Variants in STRN3 observed in about 807,000 individuals in gnomAD.
STRN3 encodes striatin 3.
Under a neutral mutation model 95.6 loss-of-function variants are expected in STRN3, and 29 were observed. The observed-to-expected ratio is 0.30, with a 90% CI of 0.23 to 0.41. The LOEUF is 0.41. Ranked by LOEUF, STRN3 falls within the 10% of genes least tolerant of loss-of-function variation. The probability of loss-of-function intolerance (pLI) is 1.00; values close to 1 mark genes in which losing one functional copy is unlikely to be tolerated. For synonymous variants in STRN3, 331 were observed against 357.6 expected (o/e 0.93, Z 0.84); for missense variants, 890 against 972.1 (o/e 0.92, Z 1.12).
At chr14:30,929,130 A>T (rs1176098692) in intron 8 of STRN3, 71 bp downstream of exon 8, 2 of 1,308,456 alleles carry the variant, frequency 1.5e-6, no homozygotes, top group Non-Finnish European at 2.1e-6. Context: ...TTACACAAAG[A>T]AACAGAATTG....
At chr14:31,005,355 A>AG (rs1344488646) in intron 1 of STRN3, among the ~76,000 whole-genome samples, 1 of 151,722 alleles carries the variant, frequency 6.6e-6, no homozygotes, top group East Asian at 1.9e-4. Flanking sequence ...AAGGGAGGGG[A>AG]GGGGAGGGAA....
chr14:31,008,188 C>G (rs1882807807), intron 1 of STRN3, among the ~76,000 whole-genome samples: 1 of 111,746 alleles, frequency 8.9e-6, no homozygotes, highest in Admixed American at 9.1e-5. Context: ...GAGACTCCGT[C>G]TCAAAAAAAA....
chr14:31,014,555 G>T (rs179724), intron 1 of STRN3: 298,478 of 378,210 alleles, frequency 0.79, 118,622 homozygotes, highest in Non-Finnish European at 0.83. Context: ...TTTTACGTCT[G>T]TTTATAAAGT....
At chr14:30,969,498 T>A (rs1038391089) in intron 1 of STRN3, among the ~76,000 whole-genome samples, 12 of 151,922 alleles carry the variant, frequency 7.9e-5, no homozygotes, top group African/African-American at 2.7e-4. Context: ...TGGATAAATA[T>A]GTCTACAAGG....
At chr14:30,964,125 A>C (rs535002909) in intron 1 of STRN3, among the ~76,000 whole-genome samples, 1 of 152,268 alleles carries the variant, frequency 6.6e-6, no homozygotes, top group South Asian at 2.1e-4. Flanking sequence ...GGTGGTGCGC[A>C]TCTGTAGTCT....
At chr14:30,910,195 T>C (rs1285115738) in intron 13 of STRN3, among the ~76,000 whole-genome samples, 1 of 152,242 alleles carries the variant, frequency 6.6e-6, no homozygotes, top group East Asian at 1.9e-4. Context: ...TGAATGTCAC[T>C]ATTTTAGAAA....
intron 5 of STRN3, among the ~76,000 whole-genome samples, chr14:30,940,829 T>C (rs1879057140): frequency 6.6e-6 from 1 of 152,168 alleles, no homozygotes. Context: ...GATCTTTGAA[T>C]TTTCCTATCT....
At chr14:31,015,169 C>T (rs924347499) in intron 1 of STRN3, among the ~76,000 whole-genome samples, 1 of 152,086 alleles carries the variant, frequency 6.6e-6, no homozygotes, top group African/African-American at 2.4e-5. Flanking sequence ...CATTAGTTTC[C>T]TTGAAGGGTA....
At chr14:30,917,556 A>T (rs1355583035) in intron 9 of STRN3, among the ~76,000 whole-genome samples, 5 of 117,342 alleles carry the variant, frequency 4.3e-5, no homozygotes, top group African/African-American at 1.6e-4. Context: ...CATAAAATTA[A>T]AAAAAAAAAA....
intron 5 of STRN3, among the ~76,000 whole-genome samples, chr14:30,941,108 A>T (rs1223421884): frequency 6.6e-6 from 1 of 152,116 alleles, no homozygotes; most frequent in Non-Finnish European, 1.5e-5. Context: ...CTTCACCAGA[A>T]CCCAACCATG....
intron 1 of STRN3, among the ~76,000 whole-genome samples, chr14:31,015,378 T>G (rs1010151906): frequency 3.3e-4 from 48 of 145,746 alleles, no homozygotes; most frequent in Non-Finnish European, 6.0e-4. Flanking sequence ...CACTTTCAAT[T>G]TTTTTTTTTT....
chr14:31,011,662 G>A (rs1882973623), intron 1 of STRN3, among the ~76,000 whole-genome samples: 1 of 151,524 alleles, frequency 6.6e-6, no homozygotes, highest in African/African-American at 2.4e-5. Context: ...AAATAAAATT[G>A]CAAAACATGT....
chr14:30,975,448 A>G (rs1293646809), intron 1 of STRN3, among the ~76,000 whole-genome samples: 1 of 151,782 alleles, frequency 6.6e-6, no homozygotes, highest in East Asian at 1.9e-4. Context: ...CAATGGTTAC[A>G]CTGTACACTG....
rs756909630 is a variant in STRN3 at position 30,947,204 on chromosome 14, C to G, written c.602G>C (p.Arg201Thr). Residue 201 changes from arginine (R) to threonine (T), a missense_variant, in exon 5 of 18, where the codon AGG becomes ACG. Coordinates refer to ENST00000357479, the MANE Select transcript of STRN3 (RefSeq NM_001083893.2). ...TILDVRSQRV[R>T]SLLGLSNSEP... ...TGAATTAGATAGTCCAAGTAATGAC[C>G]TTACCCGCTGAGACCGTACATCTAA... The G allele has an allele frequency of 6.2e-7, 1 of 1,612,876 alleles. No individual in the cohort carries two copies. The highest frequency in any genetic ancestry group is 1.1e-5 in the South Asian group (1 of 90,914).
At chr14:30,900,952 A>C (rs759698059) in intron 16 of STRN3, among the ~76,000 whole-genome samples, 5 of 152,210 alleles carry the variant, frequency 3.3e-5, no homozygotes, top group Admixed American at 6.5e-5. Context: ...ATAGCTTTTC[A>C]GATGCTCACC....
At chr14:30,997,366 CTCTG>C (rs151280104) in intron 1 of STRN3, among the ~76,000 whole-genome samples, 3 of 152,248 alleles carry the variant, frequency 2.0e-5, no homozygotes, top group Non-Finnish European at 4.4e-5. Flanking sequence ...GCCACACCTC[CTCTG>C]TCTGGCCCCT....
At chr14:30,975,531 TCCC>T (rs1330038238) in intron 1 of STRN3, among the ~76,000 whole-genome samples, 1 of 93,176 alleles carries the variant, frequency 1.1e-5, no homozygotes. Flanking sequence ...TGCTACCTAT[TCCC>T]CCCTACTGAA....
chr14:30,977,114 T>C (rs1266269166), intron 1 of STRN3, among the ~76,000 whole-genome samples: 1 of 151,796 alleles, frequency 6.6e-6, no homozygotes, highest in African/African-American at 2.4e-5. Context: ...TAATCCCATC[T>C]ACTTGGGAGG....
chr14:30,914,690 T>G (rs867575650), intron 9 of STRN3, among the ~76,000 whole-genome samples: 1 of 88,656 alleles, frequency 1.1e-5, no homozygotes, highest in South Asian at 2.6e-4. Context: ...GACTTTTATT[T>G]TAATGTCCCA....
Sources: allele counts gnomAD v4.1 joint callset (sites outside exome capture counted in the v4.1 genomes callset), GRCh38; gene constraint gnomAD v4.1.1; transcripts MANE v1.5; gene names NCBI Gene and HGNC (gene_info 2026-07-23, HGNC 2026-07-21).